The following TRHDE variants were observed in gnomAD, a reference collection of about 807,000 sequenced individuals.
TRHDE encodes thyrotropin releasing hormone degrading enzyme.
TRHDE carries 72 observed loss-of-function variants against 125.7 expected under a neutral mutation model. The observed-to-expected ratio is 0.57, with a 90% CI of 0.47 to 0.70. The LOEUF is 0.70. TRHDE is among the 30% of genes least tolerant of loss of function. The pLI is 0.00. For synonymous variants in TRHDE, 509 were observed against 509.1 expected (o/e 1.00, Z 0.00); for missense variants, 1,110 against 1,327.1 (o/e 0.84, Z 2.54).
intron 2 of TRHDE, among the ~76,000 whole-genome samples, chr12:72,158,421 C>A (rs956139808): frequency 6.6e-6 from 1 of 151,550 alleles, no homozygotes; most frequent in African/African-American, 2.4e-5. Context: ...TGTAGAAGAG[C>A]AGGCTCATTT....
chr12:72,151,279 T>C (rs1167979766), intron 2 of TRHDE, among the ~76,000 whole-genome samples: 1 of 152,234 alleles, frequency 6.6e-6, no homozygotes, highest in Non-Finnish European at 1.5e-5. Flanking sequence ...GAGTGCATTG[T>C]AGATTCTGGA....
intron 3 of TRHDE, among the ~76,000 whole-genome samples, chr12:72,424,000 A>AATC (rs1421953423): frequency 1.3e-5 from 2 of 152,194 alleles, no homozygotes; most frequent in Non-Finnish European, 2.9e-5. Context: ...GAGCTGCTAT[A>AATC]ATCAAGTACC....
chr12:72,547,158 T>A (rs1245716660), intron 7 of TRHDE, among the ~76,000 whole-genome samples: 1 of 151,584 alleles, frequency 6.6e-6, no homozygotes, highest in Non-Finnish European at 1.5e-5. Context: ...CTTGTTTTTT[T>A]TTTTTACCAT....
rs1879891357 is a variant in TRHDE, at chr12:72,286,471, A to C, written c.915-210A>C. 2.0e-5 allele frequency among the ~76,000 whole-genome samples: 3 copies of C among 152,306 alleles called. No homozygotes were observed. The South Asian group carries it at 6.2e-4, about 32-fold the overall frequency. On this transcript the variant is annotated intron_variant, in intron 1 of 18. Transcript: ENST00000261180. ...GGGTTTAACGAATTTATTTTAATTG[A>C]GGCAGAAACCTCCCTGAAAAACTTT... is the stretch of plus-strand genomic sequence containing the variant.
intron 2 of TRHDE, among the ~76,000 whole-genome samples, chr12:72,294,671 T>A (rs1430271074): frequency 2.0e-5 from 3 of 152,076 alleles, no homozygotes; most frequent in African/African-American, 7.2e-5. Context: ...GTCTGTGGGA[T>A]GGCAGCCTGT....
At chr12:72,378,807 T>A (rs930407268) in intron 3 of TRHDE, among the ~76,000 whole-genome samples, 39 of 152,208 alleles carry the variant, frequency 2.6e-4, no homozygotes, top group African/African-American at 9.4e-4. Flanking sequence ...ATGCACTTGG[T>A]AATTGTCGGT....
At chr12:72,321,071 A>G (rs1288162570) in intron 2 of TRHDE, among the ~76,000 whole-genome samples, 3 of 152,204 alleles carry the variant, frequency 2.0e-5, no homozygotes, top group Admixed American at 6.5e-5. Flanking sequence ...TCGAATGACA[A>G]TAAGAATGAG....
chr12:72,165,756 G>A (rs1434000015), intron 2 of TRHDE, among the ~76,000 whole-genome samples: 2 of 151,556 alleles, frequency 1.3e-5, no homozygotes, highest in Non-Finnish European at 2.9e-5. Flanking sequence ...CTCACTGCAA[G>A]CTGCGCCTCC....
At chr12:72,373,829 A>G (rs955804440) in intron 2 of TRHDE, among the ~76,000 whole-genome samples, 5 of 152,174 alleles carry the variant, frequency 3.3e-5, no homozygotes, top group South Asian at 4.1e-4. Context: ...GGAGCAAAGG[A>G]CTAGGATATG....
intron 9 of TRHDE, 65 bp downstream of exon 9, chr12:72,563,105 C>G (rs1042338387): frequency 1.6e-5 from 19 of 1,197,438 alleles, no homozygotes; most frequent in Non-Finnish European, 2.0e-5. Flanking sequence ...TTTAATATTT[C>G]AAAGAGCATT....
At chr12:72,507,252 T>C (rs1878393756) in intron 6 of TRHDE, among the ~76,000 whole-genome samples, 1 of 152,152 alleles carries the variant, frequency 6.6e-6, no homozygotes, top group Admixed American at 6.6e-5. Context: ...GGCATTGCTG[T>C]AAAGATACCT....
intron 3 of TRHDE, among the ~76,000 whole-genome samples, chr12:72,443,104 C>G (rs2135858401): frequency 1.3e-5 from 2 of 151,764 alleles, no homozygotes; most frequent in Non-Finnish European, 2.9e-5. Flanking sequence ...ACCACTTTAG[C>G]TTCATTTTCC....
intron 15 of TRHDE, among the ~76,000 whole-genome samples, chr12:72,643,673 T>C (rs2136102519): frequency 6.6e-6 from 1 of 152,352 alleles, no homozygotes; most frequent in Non-Finnish European, 1.5e-5. Flanking sequence ...TTCTTCTTGC[T>C]CTGCATATGA....
intron 2 of TRHDE, among the ~76,000 whole-genome samples, chr12:72,179,399 A>G (rs1247898428): frequency 5.3e-5 from 8 of 152,064 alleles, no homozygotes; most frequent in African/African-American, 1.9e-4. Flanking sequence ...TTACCGAAGG[A>G]CTAAAAAATT....
At chr12:72,110,916 T>G (rs1347090467) in intron 2 of TRHDE, among the ~76,000 whole-genome samples, 1 of 152,182 alleles carries the variant, frequency 6.6e-6, no homozygotes, top group Non-Finnish European at 1.5e-5. Context: ...TGTGCTCAAA[T>G]GAGAACCATG....
At chr12:72,420,877 C>G (rs57930953) in intron 3 of TRHDE, among the ~76,000 whole-genome samples, 4 of 152,192 alleles carry the variant, frequency 2.6e-5, no homozygotes, top group African/African-American at 7.2e-5. Flanking sequence ...ACCTGTAGGT[C>G]GTAGACTTTT....
chr12:72,188,363 G>T (rs1016958573), intron 2 of TRHDE, among the ~76,000 whole-genome samples: 1 of 152,226 alleles, frequency 6.6e-6, no homozygotes, highest in African/African-American at 2.4e-5. Context: ...TTGTGAAAAT[G>T]TATCTCTAAA....
chr12:72,490,003 C>G (rs1245887961), intron 5 of TRHDE, among the ~76,000 whole-genome samples: 1 of 151,686 alleles, frequency 6.6e-6, no homozygotes, highest in Non-Finnish European at 1.5e-5. Context: ...GGGACTACAT[C>G]AAACTAAAAA....
intron 2 of TRHDE, among the ~76,000 whole-genome samples, chr12:72,352,905 T>C (rs2135742373): frequency 6.6e-6 from 1 of 151,718 alleles, no homozygotes; most frequent in South Asian, 2.1e-4. Flanking sequence ...TGAGACAAAG[T>C]ACTTGTCTCT....
Sources: allele counts gnomAD v4.1 joint callset (sites outside exome capture counted in the v4.1 genomes callset), GRCh38; gene constraint gnomAD v4.1.1; transcripts MANE v1.5; gene names NCBI Gene and HGNC (gene_info 2026-07-23, HGNC 2026-07-21).